The following PRSS33 variants were observed in gnomAD, a reference collection of about 807,000 sequenced individuals.
PRSS33 encodes the protein serine protease 33.
In PRSS33, 32 loss-of-function variants were observed where a neutral mutation model predicts 26.7. The ratio of observed to expected loss-of-function variants is 1.20; its 90% CI spans 0.90 to 1.61. PRSS33 has a LOEUF of 1.61. PRSS33 is among the 40% of genes most tolerant of loss of function. The pLI is 0.00. For synonymous variants in PRSS33, 192 were observed against 177.6 expected, an observed-to-expected ratio of 1.08 and a Z score of -0.64; for missense variants, 450 against 396.3, an observed-to-expected ratio of 1.14 and a Z score of -1.15.
chr16:2,785,454 G>A lies in PRSS33; in HGVS notation c.435C>T (p.Val145=). 6.7e-7 allele frequency: 1 copy of A among 1,502,734 alleles called. No homozygotes were observed. The highest frequency in any genetic ancestry group is 8.8e-7 in the Non-Finnish European group (1 of 1,135,168). The allele number at this position is 1,502,734 out of a possible 1,614,324, so 93.1% of individuals were successfully genotyped here. ...PVPLSARVQP[V]CLPVPGARPP... ...GGCGGGCGCCGGGCACGGGCAGGCA[G>A]ACGGGTTGGACGCGAGCGCTCAGGG... is the stretch of plus-strand genomic sequence containing the variant. The change falls in exon 5 of 7, where the codon GTC becomes GTT. Residue 145 remains valine, a synonymous_variant. Transcript: ENST00000682474.
Position 2,785,460 on chromosome 16 carries a change from T to G in PRSS33, c.429A>C (p.Gln143His), listed in dbSNP as rs2068862399. 6.6e-7 allele frequency: 1 copy of G among 1,514,554 alleles called. No individual in the cohort carries two copies. The allele number at this position is 1,514,554 out of a possible 1,614,324, so 93.8% of individuals were successfully genotyped here. Residue 143 changes from glutamine to histidine, a missense_variant, in exon 5 of 7, where the codon CAA (glutamine) becomes CAC (histidine). Gln to His is a conservative substitution (Grantham distance 24). Transcript: ENST00000682474. ...CGCCGGGCACGGGCAGGCAGACGGG[T>G]TGGACGCGAGCGCTCAGGGGCACCG... ...RRPVPLSARV[Q>H]PVCLPVPGAR...
intron 2 of PRSS33, 90 bp downstream of exon 2, chr16:2,786,412 C>G: frequency 6.6e-7 from 1 of 1,515,242 alleles, no homozygotes; most frequent in Non-Finnish European, 9.1e-7. Flanking sequence ...CAAGAGTGCT[C>G]CAGGGAGCCC....
upstream of PRSS33, among the ~76,000 whole-genome samples, chr16:2,787,671 A>G (rs532868630): frequency 1.3e-4 from 20 of 151,744 alleles, no homozygotes; most frequent in African/African-American, 4.8e-4. Flanking sequence ...CCAGCCTCAA[A>G]CAAAGATGCT....
rs1419390122 is a variant in PRSS33 at position 2,784,730 on chromosome 16, T to C, written c.757A>G (p.Lys253Glu). ...GGACGGTTGGGCAGGGCACAACCCT[T>C]GCCCCAGCTCACCACGCCCACCAGG... is the stretch of plus-strand genomic sequence containing the variant. Reference protein sequence around the residue: ...WVLVGVVSWGKGCALPNRPGV... With the variant: ...WVLVGVVSWGEGCALPNRPGV... The change falls in exon 7 of 7, where the codon AAG becomes GAG. Residue 253 changes from lysine to glutamate, a missense_variant. Transcript: ENST00000682474. 1.2e-6 allele frequency: 2 copies of C among 1,607,666 alleles called. No homozygotes were observed. The highest frequency in any genetic ancestry group is 1.7e-6 in the Non-Finnish European group (2 of 1,177,330).
chr16:2,785,212 C>T (rs1249472142), intron 5 of PRSS33, 41 bp from the exon 6 acceptor site: 7 of 1,505,822 alleles, frequency 4.6e-6, no homozygotes, highest in Non-Finnish European at 5.3e-6. Flanking sequence ...AGGCGTGGAG[C>T]GGGGGCCAGT....
At position 2,785,024 on chromosome 16, in the gene PRSS33, TG is replaced by T. The variant is rs2068855742; in HGVS notation, c.661del (p.Gln221ArgfsTer15). ...CACCTGGCAGGCGTCCTTGTGGCCC[TG>T]GGGGTAGCCGGCACACAGACTCCCA... Reference protein sequence around the residue: ...LPGSLCAGYPQGHKDACQGDS... With the variant: ...LPGSLCAGYPXGHKDACQGDS... On this transcript the variant is annotated frameshift_variant, in exon 6 of 7. Coordinates refer to ENST00000682474, the MANE Select transcript of PRSS33 (RefSeq NM_152891.3). LOFTEE classifies it low-confidence loss of function (END_TRUNC). The T allele has an allele frequency of 1.3e-6, 2 of 1,595,188 alleles. No homozygotes were observed. Among genetic ancestry groups the T allele is most frequent in the Admixed American group, 1.7e-5 (1 of 57,798 alleles).
chr16:2,784,557 G>A lies in PRSS33; in HGVS notation c.*87C>T. On this transcript the variant is annotated 3_prime_UTR_variant, in exon 7 of 7. Coordinates refer to ENST00000682474, the MANE Select transcript of PRSS33 (RefSeq NM_152891.3). ...AGGCATCTTGGCCTCGAGGCAGAAG[G>A]GATGTGGGGTATAGGCAGGTGCCTG... 1 of 1,343,766 alleles carries A rather than the reference G, an allele frequency of 7.4e-7. No individual in the cohort carries two copies. Among genetic ancestry groups the A allele is most frequent in the South Asian group, 1.5e-5 (1 of 67,654 alleles). The allele number at this position is 1,343,766 out of a possible 1,614,324, so 83.2% of individuals were successfully genotyped here.
intron 4 of PRSS33, 50 bp downstream of exon 4, chr16:2,785,749 G>A (rs762464075): frequency 6.6e-7 from 1 of 1,522,482 alleles, no homozygotes; most frequent in Non-Finnish European, 8.7e-7. Context: ...GGTCCTCTGC[G>A]GGCCTTGCCT....
In PRSS33 at chr16:2,785,540, C is replaced by G; in HGVS notation, c.349G>C (p.Asp117His). Reference sequence around the variant, plus strand: ...CCGCGGGCCCCGTCCTCGGAGTAGTCCGGGGGCAGCAGCACCCGTCGCACG... The same window carrying G: ...CCGCGGGCCCCGTCCTCGGAGTAGTGCGGGGGCAGCAGCACCCGTCGCACG... ...VPVRRVLLPP[D>H]YSEDGARGDL... The change falls in exon 5 of 7, where the codon GAC becomes CAC. Residue 117 changes from aspartate (D) to histidine (H), a missense_variant. By Grantham distance (81) the Asp-to-His change is moderately conservative. Coordinates refer to ENST00000682474, the MANE Select transcript of PRSS33 (RefSeq NM_152891.3). The G allele has an allele frequency of 1.3e-6, 2 of 1,527,738 alleles. No homozygotes were observed. The highest frequency in any genetic ancestry group is 8.7e-7 in the Non-Finnish European group (1 of 1,144,414). The allele number at this position is 1,527,738 out of a possible 1,614,324, so 94.6% of individuals were successfully genotyped here.
rs1004109828 is a variant in PRSS33, at chr16:2,787,521, G to A, written c.-58+12C>T. ...GCCCCTGCAGCCCCCACAGCCCCTG[G>A]CTTGCTCTCACCCTCACAGCCTGGC... On this transcript the variant is annotated intron_variant, in intron 1 of 6. Coordinates refer to ENST00000682474, the MANE Select transcript of PRSS33 (RefSeq NM_152891.3). Among the ~76,000 whole-genome samples, 16 of 141,122 alleles carry A rather than the reference G, an allele frequency of 1.1e-4. No homozygotes were observed. Among genetic ancestry groups the A allele is most frequent in the African/African-American group, 4.2e-4 (15 of 35,884 alleles). 92.6% of individuals were successfully genotyped at this position (141,122 alleles called of 152,430 possible).
At chr16:2,786,801 G>C in intron 1 of PRSS33, 197 bp from the exon 2 acceptor site, 1 of 434,256 alleles carries the variant, frequency 2.3e-6, no homozygotes, top group Non-Finnish European at 4.2e-6. Flanking sequence ...CAGATATTTG[G>C]GCATCCTTGG....
intron 5 of PRSS33, 74 bp downstream of exon 5, chr16:2,785,301 G>C: frequency 6.9e-7 from 1 of 1,450,100 alleles, no homozygotes; most frequent in Non-Finnish European, 9.1e-7. Context: ...GCAGTGAGGG[G>C]CTGGGATTTC....
rs753043624 is a variant in PRSS33, at chr16:2,785,445, G to C, written c.444C>G (p.Pro148=). The stretch of plus-strand genomic sequence containing the variant: ...CGGGCGGCGGGCGGGCGCCGGGCAC[G>C]GGCAGGCAGACGGGTTGGACGCGAG... ...LSARVQPVCL[P]VPGARPPPGT... The change falls in exon 5 of 7, where the codon CCC becomes CCG. Residue 148 remains proline, a synonymous_variant. Transcript: ENST00000682474. The C allele has an allele frequency of 3.3e-6, 5 of 1,496,086 alleles. No homozygotes were observed. Among genetic ancestry groups the C allele is most frequent in the Non-Finnish European group, 8.8e-7 (1 of 1,132,732 alleles). 92.7% of individuals were successfully genotyped at this position (1,496,086 alleles called of 1,614,324 possible). A position where few individuals can be genotyped will look rare whatever the true frequency, so the allele number is the denominator to read the frequency against.
intron 2 of PRSS33, 148 bp downstream of exon 2, chr16:2,786,354 G>A: frequency 3.0e-6 from 3 of 995,310 alleles, no homozygotes; most frequent in Admixed American, 2.2e-5. Context: ...GTGAGGTCAA[G>A]GTCAGTGGCA....
intron 1 of PRSS33, chr16:2,786,811 G>A (rs1488548358): frequency 5.0e-6 from 2 of 404,002 alleles, no homozygotes; most frequent in East Asian, 4.6e-5. Flanking sequence ...GGCATCCTTG[G>A]TCTCGACAGA....
In PRSS33 at chr16:2,785,516, C is replaced by T. The variant is rs2068863096; in HGVS notation, c.373G>A (p.Gly125Ser). 1 of 1,524,056 alleles carries T rather than the reference C, an allele frequency of 6.6e-7. No individual in the cohort carries two copies. Among genetic ancestry groups the T allele is most frequent in the Non-Finnish European group, 8.7e-7 (1 of 1,143,002 alleles). 94.4% of individuals were successfully genotyped at this position (1,524,056 alleles called of 1,614,324 possible). A position where few individuals can be genotyped will look rare whatever the true frequency, so the allele number is the denominator to read the frequency against. ...PPDYSEDGAR[G>S]DLALLQLRRP... ...CGCAGCTGCAGCAGTGCCAGGTCGC[C>T]GCGGGCCCCGTCCTCGGAGTAGTCC... The change falls in exon 5 of 7, where the codon GGC (glycine) becomes AGC (serine). Residue 125 changes from glycine (G) to serine (S), a missense_variant. By Grantham distance (56) the Gly-to-Ser change is moderately conservative. Transcript: ENST00000682474.
At chr16:2,786,918 CCTCA>C (rs1309837212) in intron 1 of PRSS33, 3 of 131,438 alleles carry the variant, frequency 2.3e-5, no homozygotes, top group Admixed American at 8.2e-5. Flanking sequence ...CCTCCCTCAT[CCTCA>C]CTCCCTCCTC....
Position 2,785,846 on chromosome 16 carries a change from C to T in PRSS33, c.195G>A (p.Ser65=). The change falls in exon 4 of 7, where the codon TCG becomes TCA. Residue 65 remains serine (S), a synonymous_variant. Coordinates refer to ENST00000682474, the MANE Select transcript of PRSS33 (RefSeq NM_152891.3). ...QHRGAHVCGG[S]LIAPQWVLTA... is the part of the protein sequence containing the mutation. ...TCAGCACCCACTGGGGGGCGATGAG[C>T]GACCCCCCGCACACGTGTGCCCCAC... 1 of 1,606,960 alleles carries T rather than the reference C, an allele frequency of 6.2e-7. No individual in the cohort carries two copies. The highest frequency in any genetic ancestry group is 8.5e-7 in the Non-Finnish European group (1 of 1,178,464).
chr16:2,785,169 G>A lies in PRSS33; in HGVS notation c.517C>T (p.Pro173Ser), dbSNP rs746843281. 4 of 1,537,274 alleles carry A rather than the reference G, an allele frequency of 2.6e-6. No individual in the cohort carries two copies. The highest frequency in any genetic ancestry group is 2.7e-5 in the African/African-American group (2 of 73,174). Reference protein sequence around the residue: ...TGWGSLRPGVPLPEWRPLQGV... With the variant: ...TGWGSLRPGVSLPEWRPLQGV... ...TGTAGCGGTCGCCACTCTGGGAGGG[G>A]CACTGGGGGAAGAGGAGGGACCTCT... Residue 173 changes from proline (P) to serine (S), a missense_variant and splice_region_variant, in exon 6 of 7, where the codon CCC becomes TCC. By Grantham distance (74) the Pro-to-Ser change is moderately conservative (BLOSUM62 -1). Coordinates refer to ENST00000682474, the MANE Select transcript of PRSS33 (RefSeq NM_152891.3).
Sources: gnomAD v4.1 joint callset for allele counts (sites outside exome capture counted in the v4.1 genomes callset) on GRCh38, gnomAD v4.1.1 for gene constraint, MANE v1.5 for transcripts, NCBI Gene and HGNC (gene_info 2026-07-23, HGNC 2026-07-21) for gene names.